Variants in CTBP1 observed in about 807,000 individuals in gnomAD.
CTBP1 encodes the protein C-terminal binding protein 1, also known as C-terminal-binding protein 1.
Under a neutral mutation model 42.1 loss-of-function variants are expected in CTBP1, and 11 were observed. That is an observed-to-expected ratio of 0.26 (90% CI 0.16 to 0.43). CTBP1 has a LOEUF of 0.43. Ranked by LOEUF, CTBP1 falls within the 20% of genes least tolerant of loss-of-function variation. The probability of loss-of-function intolerance (pLI) is 1.00; values close to 1 mark genes in which losing one functional copy is unlikely to be tolerated. For synonymous variants in CTBP1, 324 were observed against 277.1 expected, an observed-to-expected ratio of 1.17 and a Z score of -1.68; for missense variants, 399 against 624.3, an observed-to-expected ratio of 0.64 and a Z score of 3.85.
rs567980949 is a variant in CTBP1 at position 1,216,130 on chromosome 4, G to C, written c.590C>G (p.Ser197Trp). The C allele has an allele frequency of 3.1e-6, 5 of 1,611,210 alleles. No homozygotes were observed. Among genetic ancestry groups the C allele is most frequent in the Non-Finnish European group, 3.4e-6 (4 of 1,179,886 alleles). ...FNVLFYDPYL[S>W]DGVERALGLQ... ...CCCCAGCGCCCGCTCCACGCCATCC[G>C]ACAAGTAAGGGTCGTAGAAGAGCAC... Residue 197 changes from serine (S) to tryptophan (W), a missense_variant, in exon 6 of 10, where the codon TCG (serine) becomes TGG (tryptophan). Physicochemically the swap from Ser to Trp is radical, Grantham distance 177 (BLOSUM62 -3). Coordinates refer to ENST00000382952, the MANE Select transcript of CTBP1 (RefSeq NM_001012614.2).
At chr4:1,227,730 C>G (rs1277859611) in intron 4 of CTBP1, among the ~76,000 whole-genome samples, 1 of 151,346 alleles carries the variant, frequency 6.6e-6, no homozygotes, top group African/African-American at 2.4e-5. Flanking sequence ...CGTGTGTGTT[C>G]TGTGTGCTGA....
At chr4:1,219,585 T>C (rs1326861385) in intron 5 of CTBP1, among the ~76,000 whole-genome samples, 10 of 152,054 alleles carry the variant, frequency 6.6e-5, no homozygotes, top group Admixed American at 4.6e-4. Flanking sequence ...TTGTAGCTAA[T>C]GCAAAAAGGC....
intron 7 of CTBP1, 110 bp downstream of exon 7, chr4:1,214,233 G>A (rs1246044315): frequency 9.0e-6 from 12 of 1,329,528 alleles, no homozygotes; most frequent in African/African-American, 1.5e-5. Flanking sequence ...GCCAGCGAGA[G>A]GCCTGAGTAC....
intron 1 of CTBP1, chr4:1,244,414 T>C: frequency 4.1e-6 from 4 of 984,078 alleles, no homozygotes; most frequent in Non-Finnish European, 4.8e-6. Context: ...ACCAAGCAGC[T>C]ACCCCTGTTC....
At chr4:1,221,759 C>T in intron 5 of CTBP1, 1 of 411,302 alleles carries the variant, frequency 2.4e-6, no homozygotes, top group Non-Finnish European at 4.8e-6. Flanking sequence ...CCCGAGGGAG[C>T]TGTCTGTGTG....
chr4:1,242,697 T>C, intron 1 of CTBP1: 1 of 985,434 alleles, frequency 1.0e-6, no homozygotes, highest in East Asian at 1.1e-4. Flanking sequence ...AGCAACACTG[T>C]GGAGCGGGAT....
intron 1 of CTBP1, chr4:1,244,619 C>A: frequency 1.0e-6 from 1 of 985,424 alleles, no homozygotes; most frequent in Non-Finnish European, 1.2e-6. Context: ...CTCCCCACAG[C>A]AGCCCCTAAA....
At chr4:1,226,046 C>T (rs1730307635) in intron 4 of CTBP1, among the ~76,000 whole-genome samples, 1 of 152,144 alleles carries the variant, frequency 6.6e-6, no homozygotes, top group African/African-American at 2.4e-5. Flanking sequence ...CCAGCCGGGC[C>T]CCGAAGCCCC....
At chr4:1,214,049 C>T (rs1399255473) in intron 7 of CTBP1, 1 of 459,302 alleles carries the variant, frequency 2.2e-6, no homozygotes, top group Non-Finnish European at 3.8e-6. Context: ...TGGCCAGGGC[C>T]CATGGGGACC....
intron 1 of CTBP1, chr4:1,241,727 C>T (rs1414170584): frequency 2.5e-6 from 3 of 1,208,098 alleles, no homozygotes; most frequent in African/African-American, 3.2e-5. Context: ...CCTGAGGTTG[C>T]AGTGCCAGGC....
chr4:1,237,852 G>C, intron 3 of CTBP1: 1 of 698,290 alleles, frequency 1.4e-6, no homozygotes, highest in South Asian at 1.5e-5. Context: ...GGAAAACCCC[G>C]TGTCCACCTC....
chr4:1,230,738 C>T (rs997474044), intron 3 of CTBP1, among the ~76,000 whole-genome samples: 14 of 152,262 alleles, frequency 9.2e-5, no homozygotes, highest in African/African-American at 3.4e-4. Flanking sequence ...TCGGAGGAGA[C>T]AGCGATCAGA....
chr4:1,231,963 GCT>G (rs1491180798), intron 3 of CTBP1, among the ~76,000 whole-genome samples: 1 of 152,268 alleles, frequency 6.6e-6, no homozygotes, highest in Non-Finnish European at 1.5e-5. Context: ...CTCATACACC[GCT>G]CTGTCTGTAC....
chr4:1,230,463 G>A (rs770926951), intron 3 of CTBP1, among the ~76,000 whole-genome samples: 21 of 152,210 alleles, frequency 1.4e-4, no homozygotes, highest in African/African-American at 3.4e-4. Context: ...GCATGCGAGC[G>A]GTGGGCAGAG....
In CTBP1 at chr4:1,238,360, C is replaced by T. The variant is rs1284329978; in HGVS notation, c.8-23G>A. 9 of 1,532,784 alleles carry T rather than the reference C, an allele frequency of 5.9e-6. No individual in the cohort carries two copies. The South Asian group carries it at 9.9e-5, about 17-fold the overall frequency. The allele number at this position is 1,532,784 out of a possible 1,614,324, so 94.9% of individuals were successfully genotyped here. A position where few individuals can be genotyped will look rare whatever the true frequency, so the allele number is the denominator to read the frequency against. On this transcript the variant is annotated intron_variant, in intron 2 of 9. Transcript: ENST00000382952. The surrounding 1 kb of genome is among the most constrained non-coding windows in gnomAD (Gnocchi z 5.9). ...CGCCTGCAAGACAGAGGCAAGTGCT[C>T]AGCCTTGCACCACTGCGGCCCCGTG... is the stretch of plus-strand genomic sequence containing the variant.
chr4:1,227,412 T>A (rs1279175231), intron 4 of CTBP1, among the ~76,000 whole-genome samples: 2 of 146,932 alleles, frequency 1.4e-5, no homozygotes, highest in African/African-American at 5.1e-5. Context: ...GTGTTCTGTG[T>A]GCTGAGTGTG....
intron 1 of CTBP1, among the ~76,000 whole-genome samples, chr4:1,247,824 G>C (rs1452333810): frequency 6.6e-6 from 1 of 152,030 alleles, no homozygotes; most frequent in African/African-American, 2.4e-5. Flanking sequence ...CTCGGCCCTA[G>C]CTCCAGGCCC....
At chr4:1,215,389 A>G (rs1276293894) in intron 6 of CTBP1, among the ~76,000 whole-genome samples, 1 of 152,184 alleles carries the variant, frequency 6.6e-6, no homozygotes, top group Non-Finnish European at 1.5e-5. Flanking sequence ...GCCCACACAC[A>G]TACACATCAC....
intron 1 of CTBP1, among the ~76,000 whole-genome samples, chr4:1,247,837 T>C (rs868577854): frequency 1.3e-5 from 2 of 152,004 alleles, no homozygotes; most frequent in African/African-American, 4.8e-5. Flanking sequence ...CCAGGCCCTC[T>C]TGCCCCAACT....
Sources: allele counts gnomAD v4.1 joint callset (sites outside exome capture counted in the v4.1 genomes callset), GRCh38; gene constraint gnomAD v4.1.1; non-coding constraint Gnocchi (gnomAD v3.1); transcripts MANE v1.5; gene names NCBI Gene and HGNC (gene_info 2026-07-23, HGNC 2026-07-21).